Variants in LYPD6 observed in about 807,000 individuals in gnomAD.
LYPD6 encodes LY6/PLAUR domain containing 6.
In LYPD6, 15 loss-of-function variants were observed where a neutral mutation model predicts 22.7. The ratio of observed to expected loss-of-function variants is 0.66; its 90% CI spans 0.44 to 1.02. The LOEUF is 1.02. LYPD6 is among the 50% of genes least tolerant of loss of function. LYPD6 has a pLI of 0.00. For missense variants in LYPD6, 189 were observed against 208.4 expected (o/e 0.91, Z 0.57); for synonymous variants, 72 against 77.5 (o/e 0.93, Z 0.37).
intron 1 of LYPD6, among the ~76,000 whole-genome samples, chr2:149,380,762 G>A (rs1682041852): frequency 1.3e-5 from 2 of 152,180 alleles, no homozygotes. Flanking sequence ...GGTATTTAAA[G>A]CCATCAGCCT....
intron 1 of LYPD6, among the ~76,000 whole-genome samples, chr2:149,350,590 A>G (rs541556919): frequency 2.0e-5 from 3 of 152,238 alleles, no homozygotes; most frequent in African/African-American, 7.2e-5. Context: ...AGAATTTTCT[A>G]TCCTATTCTT....
intron 1 of LYPD6, among the ~76,000 whole-genome samples, chr2:149,395,317 T>A (rs1187223820): frequency 6.6e-6 from 1 of 152,186 alleles, no homozygotes; most frequent in African/African-American, 2.4e-5. Flanking sequence ...CCCCTCATAA[T>A]TCTTTTTCAA....
downstream of LYPD6, among the ~76,000 whole-genome samples, chr2:149,477,486 G>C (rs1203277361): frequency 6.6e-6 from 1 of 151,944 alleles, no homozygotes; most frequent in Non-Finnish European, 1.5e-5. Flanking sequence ...AGCCAGACGT[G>C]GTGGCACACA....
chr2:149,461,156 T>C (rs2105174903), intron 3 of LYPD6, among the ~76,000 whole-genome samples: 1 of 152,016 alleles, frequency 6.6e-6, no homozygotes, highest in Non-Finnish European at 1.5e-5. Flanking sequence ...TCAATGAGAA[T>C]ACATATACTA....
intron 1 of LYPD6, among the ~76,000 whole-genome samples, chr2:149,345,041 A>T (rs1559119230): frequency 2.0e-5 from 3 of 152,104 alleles, no homozygotes; most frequent in South Asian, 4.1e-4. Context: ...CCTGAGCAAC[A>T]CAGTGAGACT....
In LYPD6 at chr2:149,413,015, G is replaced by A. The variant is rs532578078; in HGVS notation, c.-71-24623G>A. Among the ~76,000 whole-genome samples, 14 of 152,104 alleles carry A rather than the reference G, an allele frequency of 9.2e-5. No homozygotes were observed. The East Asian group carries it at 2.3e-3, about 25-fold the overall frequency. On this transcript the variant is annotated intron_variant, in intron 1 of 4. Transcript: ENST00000334166. Reference sequence around the variant, plus strand: ...GTTTCTGATATTTATATTTTTTTCCGAATTTCTATTGTTTTTGAGAATGTT... The same window carrying A: ...GTTTCTGATATTTATATTTTTTTCCAAATTTCTATTGTTTTTGAGAATGTT...
At chr2:149,358,344 T>C (rs1011435507) in intron 1 of LYPD6, among the ~76,000 whole-genome samples, 2 of 152,178 alleles carry the variant, frequency 1.3e-5, no homozygotes, top group Non-Finnish European at 1.5e-5. Flanking sequence ...AACAAGTCTT[T>C]AATAAAGAGT....
intron 1 of LYPD6, among the ~76,000 whole-genome samples, chr2:149,366,410 C>T (rs531497208): frequency 3.9e-5 from 6 of 152,202 alleles, no homozygotes; most frequent in Non-Finnish European, 7.3e-5. Flanking sequence ...CTCTGACATC[C>T]CTGACCCCTT....
chr2:149,458,609 C>A (rs1681019614), intron 3 of LYPD6, among the ~76,000 whole-genome samples: 1 of 152,074 alleles, frequency 6.6e-6, no homozygotes, highest in Admixed American at 6.5e-5. Context: ...ACACCAACAC[C>A]AAGATAAATA....
At chr2:149,355,492 T>C (rs1278919093) in intron 1 of LYPD6, among the ~76,000 whole-genome samples, 1 of 152,200 alleles carries the variant, frequency 6.6e-6, no homozygotes, top group Non-Finnish European at 1.5e-5. Flanking sequence ...TTGATACCCT[T>C]CCAAAATAAT....
intron 1 of LYPD6, among the ~76,000 whole-genome samples, chr2:149,402,617 T>G (rs1682584817): frequency 6.6e-6 from 1 of 152,238 alleles, no homozygotes; most frequent in South Asian, 2.1e-4. Flanking sequence ...TTGATTTGCA[T>G]TTCCCTGATG....
chr2:149,342,307 C>A (rs1681178606), intron 1 of LYPD6, among the ~76,000 whole-genome samples: 2 of 152,026 alleles, frequency 1.3e-5, no homozygotes, highest in Non-Finnish European at 2.9e-5. Context: ...GATACAACAC[C>A]CAAACCATAT....
At chr2:149,362,973 A>G (rs1433566550) in intron 1 of LYPD6, among the ~76,000 whole-genome samples, 1 of 152,170 alleles carries the variant, frequency 6.6e-6, no homozygotes, top group African/African-American at 2.4e-5. Context: ...ATGAGGGTCA[A>G]TGATCTGCTT....
intron 1 of LYPD6, among the ~76,000 whole-genome samples, chr2:149,404,573 A>T (rs1305542154): frequency 6.6e-6 from 1 of 152,152 alleles, no homozygotes; most frequent in Non-Finnish European, 1.5e-5. Context: ...TGATTTTTGC[A>T]CATTGATTTT....
At chr2:149,413,012 T>C (rs1682886497) in intron 1 of LYPD6, among the ~76,000 whole-genome samples, 1 of 152,224 alleles carries the variant, frequency 6.6e-6, no homozygotes, top group South Asian at 2.1e-4. Context: ...TATATTTTTT[T>C]CCGAATTTCT....
intron 1 of LYPD6, among the ~76,000 whole-genome samples, chr2:149,407,676 G>A (rs1226739052): frequency 9.2e-5 from 14 of 152,090 alleles, no homozygotes. Context: ...CCTTTGGTTT[G>A]AATTTCCTCC....
At chr2:149,404,508 G>A (rs369805816) in intron 1 of LYPD6, among the ~76,000 whole-genome samples, 3 of 152,276 alleles carry the variant, frequency 2.0e-5, no homozygotes, top group Non-Finnish European at 4.4e-5. Flanking sequence ...GTGAATGGGA[G>A]TTCACTCATG....
At chr2:149,413,451 A>G (rs980085491) in intron 1 of LYPD6, among the ~76,000 whole-genome samples, 1 of 152,248 alleles carries the variant, frequency 6.6e-6, no homozygotes, top group Non-Finnish European at 1.5e-5. Context: ...TCATCTTTCT[A>G]CTATGTTACA....
intron 1 of LYPD6, among the ~76,000 whole-genome samples, chr2:149,429,417 G>A (rs1683264626): frequency 6.6e-6 from 1 of 152,212 alleles, no homozygotes; most frequent in Non-Finnish European, 1.5e-5. Context: ...TGTCTAAACT[G>A]GATGGTTAGG....
Sources: allele counts gnomAD v4.1 joint callset (sites outside exome capture counted in the v4.1 genomes callset), GRCh38; gene constraint gnomAD v4.1.1; transcripts MANE v1.5; gene names NCBI Gene and HGNC (gene_info 2026-07-23, HGNC 2026-07-21).